The following VAT1L variants were observed in gnomAD, a reference collection of about 807,000 sequenced individuals.
VAT1L encodes putative NADPH-dependent quinone oxidoreductase VAT1L.
In VAT1L, 34 loss-of-function variants were observed where a neutral mutation model predicts 44.1. That is an observed-to-expected ratio of 0.77 (90% CI 0.59 to 1.03). VAT1L has a LOEUF of 1.03. VAT1L is among the 50% of genes least tolerant of loss of function. VAT1L has a pLI of 0.00. For synonymous variants in VAT1L, 253 were observed against 202.2 expected, an observed-to-expected ratio of 1.25 and a Z score of -2.13; for missense variants, 615 against 538.8, an observed-to-expected ratio of 1.14 and a Z score of -1.40.
chr16:77,792,038 G>A (rs1426821412), intron 1 of VAT1L, among the ~76,000 whole-genome samples: 1 of 152,098 alleles, frequency 6.6e-6, no homozygotes, highest in Non-Finnish European at 1.5e-5. Flanking sequence ...TATGCCCCTG[G>A]GGGATGTGTC....
intron 7 of VAT1L, among the ~76,000 whole-genome samples, chr16:77,888,809 C>G (rs2017234614): frequency 6.6e-6 from 1 of 152,180 alleles, no homozygotes; most frequent in African/African-American, 2.4e-5. Flanking sequence ...TAAAAGAAGC[C>G]ACGATGGCAA....
At chr16:77,795,862 G>A (rs2015923657) in intron 1 of VAT1L, among the ~76,000 whole-genome samples, 2 of 112,672 alleles carry the variant, frequency 1.8e-5, no homozygotes, top group Admixed American at 2.6e-4. Flanking sequence ...GTTTTGCACT[G>A]TCGCCCAGGC....
At chr16:77,815,139 C>T (rs2016329262) in intron 1 of VAT1L, among the ~76,000 whole-genome samples, 1 of 152,114 alleles carries the variant, frequency 6.6e-6, no homozygotes, top group Non-Finnish European at 1.5e-5. Flanking sequence ...AAGGAAGTGG[C>T]CATGTTAAAT....
intron 1 of VAT1L, among the ~76,000 whole-genome samples, chr16:77,792,072 C>T (rs545249581): frequency 6.6e-4 from 100 of 152,254 alleles, no homozygotes; most frequent in Admixed American, 6.5e-4. Flanking sequence ...ACTTCCCATA[C>T]ATTATCTGCA....
At position 77,951,649 on chromosome 16, in the gene VAT1L, A is replaced by C. The variant is rs761964998; in HGVS notation, c.1078-20201A>C. ...CTGGGATGCAGAGTTGGGTGAAATT[A>C]AGGAAATTTAAGGAAGCGATTACTC... is the stretch of plus-strand genomic sequence containing the variant. On this transcript the variant is annotated intron_variant, in intron 7 of 8. Transcript: ENST00000302536. 7.9e-5 allele frequency among the ~76,000 whole-genome samples: 12 copies of C among 152,248 alleles called. No homozygotes were observed. The South Asian group carries it at 2.5e-3, about 32-fold the overall frequency.
At chr16:77,959,900 T>G (rs1437687021) in intron 7 of VAT1L, among the ~76,000 whole-genome samples, 1 of 152,120 alleles carries the variant, frequency 6.6e-6, no homozygotes, top group Non-Finnish European at 1.5e-5. Context: ...TGTCCCACCT[T>G]GACTTTTGCT....
intron 7 of VAT1L, among the ~76,000 whole-genome samples, chr16:77,963,429 C>G (rs1036778331): frequency 3.3e-5 from 5 of 152,102 alleles, no homozygotes; most frequent in African/African-American, 1.2e-4. Context: ...AAACAAATTC[C>G]TCCCTGGAAA....
intron 7 of VAT1L, among the ~76,000 whole-genome samples, chr16:77,956,139 G>A (rs1228837928): frequency 1.3e-5 from 2 of 152,264 alleles, no homozygotes; most frequent in Admixed American, 6.5e-5. Flanking sequence ...CATTCTCCAT[G>A]ATGTGATTAC....
chr16:77,975,004 G>A (rs74027276), intron 8 of VAT1L, among the ~76,000 whole-genome samples: 5,457 of 152,052 alleles, frequency 0.036, 327 homozygotes, highest in African/African-American at 0.13. Flanking sequence ...AAGGGAGCAT[G>A]TCTTGAGGTT....
At chr16:77,823,673 A>G (rs1181381759) in intron 2 of VAT1L, among the ~76,000 whole-genome samples, 1 of 152,208 alleles carries the variant, frequency 6.6e-6, no homozygotes, top group Admixed American at 6.5e-5. Context: ...AGTCTAGTAC[A>G]TTATGATTGT....
chr16:77,914,550 A>T (rs529908348), intron 7 of VAT1L, among the ~76,000 whole-genome samples: 1 of 152,248 alleles, frequency 6.6e-6, no homozygotes, highest in African/African-American at 2.4e-5. Context: ...CGCAAATTAA[A>T]CTTGAAAATA....
intron 1 of VAT1L, among the ~76,000 whole-genome samples, chr16:77,804,765 C>G (rs200036941): frequency 1.3e-5 from 2 of 152,262 alleles, no homozygotes; most frequent in South Asian, 4.1e-4. Context: ...CTTCTTGAGG[C>G]TGGAAAAGGC....
chr16:77,885,755 G>A (rs1336919494), intron 7 of VAT1L, among the ~76,000 whole-genome samples: 1 of 152,030 alleles, frequency 6.6e-6, no homozygotes, highest in Middle Eastern at 3.2e-3. Flanking sequence ...GAAAGTTCTA[G>A]TGGGTGTGCT....
chr16:77,861,036 A>G lies in VAT1L; in HGVS notation c.580-1712A>G, dbSNP rs957853925. 3.3e-5 allele frequency among the ~76,000 whole-genome samples: 5 copies of G among 152,170 alleles called. No homozygotes were observed. The East Asian group carries it at 7.7e-4, about 23-fold the overall frequency. On this transcript the variant is annotated intron_variant, in intron 3 of 8. Coordinates refer to ENST00000302536, the MANE Select transcript of VAT1L (RefSeq NM_020927.3). Reference sequence around the variant, plus strand: ...TTTCTGAATGTCTTTTCCTTTATCTATAGAGCAGTCAGGGGAGGGGGTAAT... The same window carrying G: ...TTTCTGAATGTCTTTTCCTTTATCTGTAGAGCAGTCAGGGGAGGGGGTAAT...
intron 7 of VAT1L, among the ~76,000 whole-genome samples, chr16:77,928,567 C>A (rs2017694485): frequency 1.3e-5 from 2 of 152,120 alleles, no homozygotes; most frequent in Admixed American, 1.3e-4. Flanking sequence ...ACCAACATTT[C>A]CTCTTAAATA....
At chr16:77,934,713 G>T (rs1434186671) in intron 7 of VAT1L, among the ~76,000 whole-genome samples, 2 of 152,172 alleles carry the variant, frequency 1.3e-5, no homozygotes, top group East Asian at 3.9e-4. Flanking sequence ...CAGCAAACTA[G>T]GAGTTAGAGC....
At chr16:77,848,131 T>G (rs254773) in intron 3 of VAT1L, among the ~76,000 whole-genome samples, 92,292 of 152,000 alleles carry the variant, frequency 0.61, 28,530 homozygotes, top group East Asian at 0.73. Flanking sequence ...TAGTTTTGTG[T>G]GTCATGCTTC....
At chr16:77,797,402 C>T (rs910711781) in intron 1 of VAT1L, among the ~76,000 whole-genome samples, 1 of 152,158 alleles carries the variant, frequency 6.6e-6, no homozygotes, top group African/African-American at 2.4e-5. Flanking sequence ...TGAGCCACCG[C>T]GCCCAGCAAT....
intron 7 of VAT1L, among the ~76,000 whole-genome samples, chr16:77,895,009 C>G (rs2017307112): frequency 6.6e-6 from 1 of 151,910 alleles, no homozygotes; most frequent in African/African-American, 2.4e-5. Flanking sequence ...CTGTAGGTCC[C>G]TACACTTCAT....
Sources: allele counts gnomAD v4.1 joint callset (sites outside exome capture counted in the v4.1 genomes callset), GRCh38; gene constraint gnomAD v4.1.1; transcripts MANE v1.5; gene names NCBI Gene and HGNC (gene_info 2026-07-23, HGNC 2026-07-21).